The following RASA2 variants were observed in gnomAD, a reference collection of about 807,000 sequenced individuals.
RASA2 encodes ras GTPase-activating protein 2.
RASA2 carries 155 observed loss-of-function variants against 118.2 expected under a neutral mutation model. The ratio of observed to expected loss-of-function variants is 1.31; its 90% CI spans 1.15 to 1.50. The LOEUF is 1.50. RASA2 is among the 40% of genes most tolerant of loss of function. The pLI, the probability that RASA2 is intolerant of heterozygous loss-of-function variation, is 0.00. For synonymous variants in RASA2, 353 were observed against 349.1 expected, an observed-to-expected ratio of 1.01 and a Z score of -0.12; for missense variants, 1,016 against 1,009.6, an observed-to-expected ratio of 1.01 and a Z score of -0.09.
chr3:141,519,760 A>G (rs1460115090), intron 3 of RASA2, among the ~76,000 whole-genome samples: 1 of 152,070 alleles, frequency 6.6e-6, no homozygotes, highest in African/African-American at 2.4e-5. Context: ...TCAGTTTAAC[A>G]TTTACCAAAC....
chr3:141,580,583 C>A, intron 16 of RASA2, 132 bp downstream of exon 16: 1 of 586,722 alleles, frequency 1.7e-6, no homozygotes, highest in Non-Finnish European at 2.9e-6. Flanking sequence ...CACACAGACA[C>A]AATAGCTGTC....
chr3:141,614,627 G>A lies in RASA2; in HGVS notation c.*2314G>A, dbSNP rs1048646427. The A allele has an allele frequency of 2.6e-5, 4 of 152,130 alleles. No individual in the cohort carries two copies. Among genetic ancestry groups the A allele is most frequent in the African/African-American group, 9.7e-5 (4 of 41,434 alleles). 9.4% of individuals were successfully genotyped at this position (152,130 alleles called of 1,614,324 possible). A position where few individuals can be genotyped will look rare whatever the true frequency, so the allele number is the denominator to read the frequency against. On this transcript the variant is annotated 3_prime_UTR_variant, in exon 24 of 24. Coordinates refer to ENST00000286364, the MANE Select transcript of RASA2 (RefSeq NM_006506.5). The stretch of plus-strand genomic sequence containing the variant: ...TATGGGGAAATTTGCCATAAATGCC[G>A]GTTCTGGTTCTTAGTTTAGCCATTT...
intron 15 of RASA2, among the ~76,000 whole-genome samples, chr3:141,579,213 A>C (rs755884197): frequency 6.6e-6 from 1 of 152,210 alleles, no homozygotes; most frequent in Non-Finnish European, 1.5e-5. Flanking sequence ...TTTTAGATGC[A>C]AGATACTGTT....
At chr3:141,608,891 G>A (rs1263604851) in intron 21 of RASA2, among the ~76,000 whole-genome samples, 194 bp downstream of exon 21, 1 of 152,194 alleles carries the variant, frequency 6.6e-6, no homozygotes, top group East Asian at 1.9e-4. Flanking sequence ...GATATAAAGT[G>A]TCTAGAATAG....
At chr3:141,560,076 G>A in intron 9 of RASA2, 81 bp downstream of exon 9, 2 of 1,095,614 alleles carry the variant, frequency 1.8e-6, no homozygotes, top group South Asian at 3.2e-5. Flanking sequence ...TGCTTACTCT[G>A]AACATATTTT....
intron 1 of RASA2, among the ~76,000 whole-genome samples, chr3:141,493,820 T>C (rs1485091745): frequency 6.6e-6 from 1 of 152,200 alleles, no homozygotes; most frequent in East Asian, 1.9e-4. Context: ...CAATTTGTTA[T>C]ATCCTTTTTG....
chr3:141,518,281 TC>T (rs1357491408), intron 3 of RASA2, among the ~76,000 whole-genome samples: 1 of 151,218 alleles, frequency 6.6e-6, no homozygotes, highest in African/African-American at 2.4e-5. Context: ...GGTCAGGAGT[TC>T]AAGACCAGCC....
chr3:141,601,099 A>C (rs1287822342), intron 19 of RASA2, among the ~76,000 whole-genome samples: 2 of 152,150 alleles, frequency 1.3e-5, no homozygotes, highest in African/African-American at 4.8e-5. Flanking sequence ...AGGGGAAATG[A>C]ACTTTACCCC....
intron 1 of RASA2, among the ~76,000 whole-genome samples, chr3:141,499,403 T>A (rs1268939162): frequency 6.6e-6 from 1 of 152,134 alleles, no homozygotes; most frequent in African/African-American, 2.4e-5. Flanking sequence ...TGTACTTATA[T>A]ATAGTTCAGG....
At chr3:141,611,040 C>T (rs774867881) in intron 23 of RASA2, among the ~76,000 whole-genome samples, 89 of 152,204 alleles carry the variant, frequency 5.8e-4, no homozygotes, top group Admixed American at 2.0e-3. Context: ...TGGGAACTTA[C>T]TCCAGCAAGG....
chr3:141,523,835 C>G (rs1209862744), intron 3 of RASA2, among the ~76,000 whole-genome samples: 1 of 152,188 alleles, frequency 6.6e-6, no homozygotes, highest in African/African-American at 2.4e-5. Flanking sequence ...GACTATGTCA[C>G]TATCTATCTA....
Position 141,540,614 on chromosome 3 carries a change from G to T in RASA2, c.527+5G>T. 6.2e-7 allele frequency: 1 copy of T among 1,603,172 alleles called. No homozygotes were observed. Among genetic ancestry groups the T allele is most frequent in the Non-Finnish European group, 8.5e-7 (1 of 1,172,968 alleles). On this transcript the variant is annotated splice_donor_5th_base_variant and intron_variant, in intron 5 of 23. Coordinates refer to ENST00000286364, the MANE Select transcript of RASA2 (RefSeq NM_006506.5). ...ATGCCAGCAGCTTGTTGTACAGTAAGCATTTTTTTTAACCAAAATCAACTA... is the reference window on the plus strand; with the variant it reads ...ATGCCAGCAGCTTGTTGTACAGTAATCATTTTTTTTAACCAAAATCAACTA...
intron 15 of RASA2, among the ~76,000 whole-genome samples, chr3:141,579,853 C>T (rs1008844867): frequency 2.0e-5 from 3 of 151,428 alleles, no homozygotes; most frequent in Non-Finnish European, 2.9e-5. Context: ...GTCAAGAGTT[C>T]GAGACCAGCC....
chr3:141,495,580 G>C (rs1559987849), intron 1 of RASA2, among the ~76,000 whole-genome samples: 1 of 152,126 alleles, frequency 6.6e-6, no homozygotes, highest in Non-Finnish European at 1.5e-5. Context: ...TCTTTGGTGA[G>C]GGTTTAGGGA....
intron 2 of RASA2, 54 bp from the exon 3 acceptor site, chr3:141,516,274 A>T (rs896751684): frequency 1.8e-6 from 2 of 1,139,100 alleles, no homozygotes; most frequent in African/African-American, 3.3e-5. Context: ...AAGTGATATT[A>T]ATTATTATTT....
At chr3:141,567,965 A>G (rs886338913) in intron 9 of RASA2, among the ~76,000 whole-genome samples, 14 of 152,192 alleles carry the variant, frequency 9.2e-5, no homozygotes, top group African/African-American at 3.4e-4. Context: ...CCCAGACCCA[A>G]AAAGCAAATA....
At chr3:141,499,719 C>T (rs1042067686) in intron 1 of RASA2, among the ~76,000 whole-genome samples, 3 of 152,146 alleles carry the variant, frequency 2.0e-5, no homozygotes, top group Admixed American at 2.0e-4. Flanking sequence ...CTGCCTCAGC[C>T]TCCCGATTAG....
intron 5 of RASA2, among the ~76,000 whole-genome samples, chr3:141,550,675 T>A (rs916388847): frequency 6.6e-6 from 1 of 152,226 alleles, no homozygotes; most frequent in Non-Finnish European, 1.5e-5. Context: ...CCAGGTCTGT[T>A]TTCTGAGTTT....
At position 141,612,309 on chromosome 3, in the gene RASA2, C is replaced by G. The variant is rs140787611; in HGVS notation, c.2546C>G (p.Ser849Cys). The stretch of plus-strand genomic sequence containing the variant: ...GAAAATCCAATTGTTGGGAAAGCAT[C>G]TTAGAGTTTAACAGATTGGTTCAGA... ...SKENPIVGKA[S>C] is the part of the protein sequence containing the mutation. Residue 849 changes from serine to cysteine, a missense_variant, in exon 24 of 24, where the codon TCT (serine) becomes TGT (cysteine). Physicochemically the swap from Ser to Cys is moderately radical, Grantham distance 112. This residue lies in a region of RASA2 where 120 missense variants were observed against 173.2 expected (regional missense o/e 0.69). Transcript: ENST00000286364. 1 of 1,588,638 alleles carries G rather than the reference C, an allele frequency of 6.3e-7. No homozygotes were observed. Among genetic ancestry groups the G allele is most frequent in the African/African-American group, 1.4e-5 (1 of 73,942 alleles).
Sources: allele counts gnomAD v4.1 joint callset (sites outside exome capture counted in the v4.1 genomes callset), GRCh38; gene constraint gnomAD v4.1.1; regional missense constraint gnomAD v4.1.1; transcripts MANE v1.5; gene names NCBI Gene and HGNC (gene_info 2026-07-23, HGNC 2026-07-21).